ATP11A: variants seen among roughly 807,000 people sequenced by gnomAD.
The protein encoded by ATP11A is ATPase phospholipid transporting 11A.
In ATP11A, 81 loss-of-function variants were observed where a neutral mutation model predicts 154.4. That is an observed-to-expected ratio of 0.52 (90% confidence interval 0.44 to 0.63). ATP11A has a LOEUF of 0.63. Ranked by LOEUF, ATP11A falls within the 30% of genes least tolerant of loss-of-function variation. The probability of loss-of-function intolerance (pLI) is 0.00; values close to 1 mark genes in which losing one functional copy is unlikely to be tolerated. For missense variants in ATP11A, 1,316 were observed against 1,474.3 expected, an observed-to-expected ratio of 0.89 and a Z score of 1.76; for synonymous variants, 623 against 585.9, an observed-to-expected ratio of 1.06 and a Z score of -0.91.
chr13:112,881,441 T>G (rs2140454169), intron 29 of ATP11A: 1 of 1,060,304 alleles, frequency 9.4e-7, no homozygotes. Flanking sequence ...GGTCTCTGGG[T>G]ACCGGTATGG....
rs571649635 is a variant in ATP11A, at chr13:112,838,673, C to T, written c.1705+2422C>T. ...GAGCCGCTGGATCACTCGAAGAATC[C>T]GGGTTGGAGGCATTTGTGCCATGAG... On this transcript the variant is annotated intron_variant, in intron 16 of 29. Transcript: ENST00000375645. This position sits in a 1 kb window ranked among gnomAD's most constrained non-coding sequence, Gnocchi z 7.3. 2.0e-5 allele frequency among the ~76,000 whole-genome samples: 3 copies of T among 152,290 alleles called. No homozygotes were observed. Among genetic ancestry groups the T allele is most frequent in the Non-Finnish European group, 4.4e-5 (3 of 68,032 alleles).
intron 1 of ATP11A, among the ~76,000 whole-genome samples, chr13:112,706,992 C>T (rs919433392): frequency 1.3e-5 from 2 of 152,176 alleles, no homozygotes; most frequent in Non-Finnish European, 2.9e-5. Flanking sequence ...AAAGCAAATT[C>T]GAGCGATTTT....
intron 1 of ATP11A, among the ~76,000 whole-genome samples, chr13:112,704,894 C>T (rs887636849): frequency 3.9e-5 from 6 of 152,204 alleles, no homozygotes; most frequent in Non-Finnish European, 2.9e-5. Context: ...AGATTGCCCA[C>T]GAAGACATGG....
chr13:112,867,708 A>G (rs1393839628), intron 25 of ATP11A, among the ~76,000 whole-genome samples: 1 of 152,156 alleles, frequency 6.6e-6, no homozygotes, highest in African/African-American at 2.4e-5. Context: ...GCCCCTGGCT[A>G]TGTCCTGGAA....
chr13:112,818,214 T>C lies in ATP11A; in HGVS notation c.571-1090T>C, dbSNP rs376025414. Among the ~76,000 whole-genome samples, 750 of 150,804 alleles carry C rather than the reference T, an allele frequency of 5.0e-3. 19 individuals are homozygous for C. The highest frequency in any genetic ancestry group is 0.017 in the African/African-American group (705 of 40,856). ...GCGCTTGGTGACGGGCAGTGACTGT[T>C]GGTGCGCTTGGTGACGGGGCGGTGA... On this transcript the variant is annotated intron_variant, in intron 6 of 29. Coordinates refer to ENST00000375645, the MANE Select transcript of ATP11A (RefSeq NM_015205.3).
At chr13:112,719,367 C>T (rs559922546) in intron 1 of ATP11A, among the ~76,000 whole-genome samples, 1 of 152,352 alleles carries the variant, frequency 6.6e-6, no homozygotes, top group South Asian at 2.1e-4. Context: ...ATCTTCTGTT[C>T]ATGACTTTGT....
chr13:112,720,564 T>G (rs893595025), intron 1 of ATP11A, among the ~76,000 whole-genome samples: 1 of 152,118 alleles, frequency 6.6e-6, no homozygotes, highest in African/African-American at 2.4e-5. Context: ...TTTGTTTTTT[T>G]TTTAATTTTT....
intron 1 of ATP11A, among the ~76,000 whole-genome samples, chr13:112,721,123 T>C (rs1345378640): frequency 2.0e-5 from 3 of 152,170 alleles, no homozygotes; most frequent in Non-Finnish European, 4.4e-5. Flanking sequence ...CTCTGTCCGG[T>C]CAGAAGTGGA....
intron 15 of ATP11A, among the ~76,000 whole-genome samples, 159 bp downstream of exon 15, chr13:112,834,819 C>T (rs1376735894): frequency 6.6e-6 from 1 of 152,258 alleles, no homozygotes; most frequent in East Asian, 1.9e-4. Flanking sequence ...CCAGAATGTT[C>T]TGGAGAAGTG....
intron 1 of ATP11A, among the ~76,000 whole-genome samples, chr13:112,712,060 C>T (rs1042457212): frequency 6.6e-6 from 1 of 152,180 alleles, no homozygotes. Context: ...GACCTTTTGT[C>T]GATGAGTTTA....
intron 13 of ATP11A, 121 bp from the exon 14 acceptor site, chr13:112,832,739 C>A: frequency 8.8e-7 from 1 of 1,130,642 alleles, no homozygotes; most frequent in Non-Finnish European, 1.3e-6. Context: ...CGCCCACAAG[C>A]TGCCTTCGTG....
intron 1 of ATP11A, among the ~76,000 whole-genome samples, chr13:112,725,300 T>G (rs1457644488): frequency 6.6e-6 from 1 of 151,942 alleles, no homozygotes; most frequent in Non-Finnish European, 1.5e-5. Context: ...GGGAGCAGAG[T>G]GACCAAAAGA....
intron 2 of ATP11A, among the ~76,000 whole-genome samples, chr13:112,799,829 C>CA (rs1316362470): frequency 1.3e-5 from 2 of 152,208 alleles, no homozygotes; most frequent in African/African-American, 4.8e-5. Context: ...GAATAGAAAT[C>CA]ATACCAAGTA....
intron 1 of ATP11A, among the ~76,000 whole-genome samples, chr13:112,728,297 C>T (rs767087109): frequency 5.9e-5 from 9 of 152,038 alleles, no homozygotes; most frequent in Non-Finnish European, 8.8e-5. Context: ...TTGTCAGTAT[C>T]CACGCGTGGA....
intron 1 of ATP11A, among the ~76,000 whole-genome samples, chr13:112,778,989 C>T (rs143030952): frequency 0.012 from 1,467 of 126,648 alleles, 76 homozygotes; most frequent in African/African-American, 0.047. Flanking sequence ...GAGGAGTAGC[C>T]GCTGGAGTGA....
intron 1 of ATP11A, among the ~76,000 whole-genome samples, chr13:112,709,078 A>G (rs1887468769): frequency 6.6e-6 from 1 of 152,122 alleles, no homozygotes; most frequent in South Asian, 2.1e-4. Flanking sequence ...GTCCCCAGCC[A>G]GCCTGTCTCA....
In ATP11A at chr13:112,785,439, G is replaced by A. The variant is rs540334836; in HGVS notation, c.162+182G>A. On this transcript the variant is annotated intron_variant, in intron 2 of 29. Transcript: ENST00000375645. The surrounding 1 kb of genome is among the most constrained non-coding windows in gnomAD (Gnocchi z 4.8). ...AGGGCGCTACTCTCTCCCTCTCGGTGACTGCCCACAGGAGGCTTTCCACCT... is the reference window on the plus strand; with the variant it reads ...AGGGCGCTACTCTCTCCCTCTCGGTAACTGCCCACAGGAGGCTTTCCACCT... Among the ~76,000 whole-genome samples, 93 of 152,112 alleles carry A rather than the reference G, an allele frequency of 6.1e-4. No homozygotes were observed. The highest frequency in any genetic ancestry group is 2.1e-3 in the African/African-American group (89 of 41,510).
chr13:112,774,724 A>G (rs2077304807), intron 1 of ATP11A, among the ~76,000 whole-genome samples: 1 of 152,204 alleles, frequency 6.6e-6, no homozygotes, highest in Non-Finnish European at 1.5e-5. Context: ...CTTACAGTGT[A>G]TTTCTCATCC....
chr13:112,876,084 G>A (rs768656228), intron 28 of ATP11A, 143 bp downstream of exon 28: 4 of 848,388 alleles, frequency 4.7e-6, no homozygotes, highest in Non-Finnish European at 5.0e-6. Flanking sequence ...GTGTCCTGAC[G>A]GTGCATGATG....
Sources: allele counts gnomAD v4.1 joint callset (sites outside exome capture counted in the v4.1 genomes callset), GRCh38; gene constraint gnomAD v4.1.1; non-coding constraint Gnocchi (gnomAD v3.1); transcripts MANE v1.5; gene names NCBI Gene and HGNC (gene_info 2026-07-23, HGNC 2026-07-21).